The following SNRNP200 variants were observed in gnomAD, a reference collection of about 807,000 sequenced individuals.
SNRNP200 encodes U5 small nuclear ribonucleoprotein 200 kDa helicase.
SNRNP200 carries 66 observed loss-of-function variants against 255.2 expected under a neutral mutation model. The ratio of observed to expected loss-of-function variants is 0.26; its 90% confidence interval spans 0.21 to 0.32. SNRNP200 has a LOEUF of 0.32. SNRNP200 is among the 10% of genes least tolerant of loss of function. SNRNP200 has a pLI of 1.00. For missense variants in SNRNP200, 1,585 were observed against 2,749.8 expected (o/e 0.58, Z 9.47); for synonymous variants, 939 against 1,027.8 (o/e 0.91, Z 1.65).
chr2:96,294,290 T>C lies in SNRNP200; in HGVS notation c.1843-781A>G, dbSNP rs572499545. Among the ~76,000 whole-genome samples the C allele has an allele frequency of 2.0e-5, 3 of 152,100 alleles. No individual in the cohort carries two copies. The East Asian group carries it at 5.8e-4, about 29-fold the overall frequency. Reference sequence around the variant, plus strand: ...CATTTCTACTAAAAATACAAAAAATTAGCTGGGCATGGTGGCGGGCAACTG... The same window carrying C: ...CATTTCTACTAAAAATACAAAAAATCAGCTGGGCATGGTGGCGGGCAACTG... On this transcript the variant is annotated intron_variant, in intron 14 of 44. Coordinates refer to ENST00000323853, the MANE Select transcript of SNRNP200 (RefSeq NM_014014.5).
chr2:96,297,276 A>G (rs2063922685), intron 11 of SNRNP200, 87 bp downstream of exon 11: 12 of 1,568,754 alleles, frequency 7.6e-6, no homozygotes, highest in African/African-American at 1.3e-5. Context: ...TAAACTATAT[A>G]TGAAACAAGG....
intron 2 of SNRNP200, among the ~76,000 whole-genome samples, chr2:96,303,568 T>A (rs1190295866): frequency 2.6e-5 from 4 of 152,134 alleles, no homozygotes; most frequent in Non-Finnish European, 5.9e-5. Flanking sequence ...GCACTAAACA[T>A]TACAATGAGA....
intron 35 of SNRNP200, chr2:96,279,898 ATTATTATT>A (rs1261646391): frequency 9.3e-6 from 3 of 323,368 alleles, no homozygotes. Context: ...ATTAAAAAAA[ATTATTATT>A]GTTTTTATTT....
rs1684767428 is a variant in SNRNP200 at position 96,281,915 on chromosome 2, G to T, written c.4923C>A (p.Ile1641=). Residue 1641 remains isoleucine (I), a synonymous_variant, in exon 35 of 45, where the codon ATC becomes ATA. Transcript: ENST00000323853. The stretch of plus-strand genomic sequence containing the variant: ...GACTCCGAGAAGCCACCACCACCTG[G>T]ATAGCCCCTGAGCAGTAGAGGGGAG... The part of the protein sequence containing the change: ...LVEQLFSSGA[I]QVVVASRSLC... 3 of 1,613,896 alleles carry T rather than the reference G, an allele frequency of 1.9e-6. No individual in the cohort carries two copies. The East Asian group carries it at 6.7e-5, about 36-fold the overall frequency.
Position 96,277,382 on chromosome 2 carries a change from G to C in SNRNP200, c.5932-141C>G, listed in dbSNP as rs1684685969. 1 of 1,262,932 alleles carries C rather than the reference G, an allele frequency of 7.9e-7. No homozygotes were observed. Among genetic ancestry groups the C allele is most frequent in the South Asian group, 1.2e-5 (1 of 82,432 alleles). The allele number at this position is 1,262,932 out of a possible 1,614,324, so 78.2% of individuals were successfully genotyped here. Reference sequence around the variant, plus strand: ...AGCTGCAGAAAGAACACAGCCCACAGTTGGCAGGCTCTCTAGCATCTCAAC... The same window carrying C: ...AGCTGCAGAAAGAACACAGCCCACACTTGGCAGGCTCTCTAGCATCTCAAC... On this transcript the variant is annotated intron_variant, in intron 41 of 44. Transcript: ENST00000323853. This position sits in a 1 kb window ranked among gnomAD's most constrained non-coding sequence, Gnocchi z 4.4.
In SNRNP200 at chr2:96,287,270, T is replaced by C. The variant is rs2063849895; in HGVS notation, c.3485-110A>G. 2.8e-6 allele frequency: 4 copies of C among 1,425,648 alleles called. No homozygotes were observed. In the South Asian group the frequency reaches 3.5e-5, roughly 12 times the overall value. The allele number at this position is 1,425,648 out of a possible 1,614,324, so 88.3% of individuals were successfully genotyped here. ...GGTAGGGTCTTCCCTTTATGGTCAG[T>C]GGAGCCCAGGATTCCAAGTCCCCAG... On this transcript the variant is annotated intron_variant, in intron 26 of 44. Coordinates refer to ENST00000323853, the MANE Select transcript of SNRNP200 (RefSeq NM_014014.5). The surrounding 1 kb of genome is among the most constrained non-coding windows in gnomAD (Gnocchi z 5.7).
chr2:96,295,657 C>T lies in SNRNP200; in HGVS notation c.1673G>A (p.Arg558His), dbSNP rs761340019. 4.3e-6 allele frequency: 7 copies of T among 1,613,390 alleles called. No homozygotes were observed. Among genetic ancestry groups the T allele is most frequent in the East Asian group, 4.5e-5 (2 of 44,870 alleles). Reference protein sequence around the residue: ...VQEMVGSFGKRLATYGITVAE... With the variant: ...VQEMVGSFGKHLATYGITVAE... ...AACAGTGATGCCATAAGTGGCCAGG[C>T]GCTGTGGGAGGAAAACTACATCAGG... Residue 558 changes from arginine (R) to histidine (H), a missense_variant and splice_region_variant, in exon 14 of 45, where the codon CGC (arginine) becomes CAC (histidine). By Grantham distance (29) the Arg-to-His change is conservative. This residue lies in a region of SNRNP200 where 56 missense variants were observed against 77.4 expected (regional missense o/e 0.72). Transcript: ENST00000323853.
chr2:96,299,980 G>T (rs974358399), intron 5 of SNRNP200, among the ~76,000 whole-genome samples: 1 of 152,196 alleles, frequency 6.6e-6, no homozygotes, highest in African/African-American at 2.4e-5. Flanking sequence ...AAGAGGCTTA[G>T]CAATCACCTA....
At position 96,277,097 on chromosome 2, in the gene SNRNP200, T is replaced by C; in HGVS notation, c.6076A>G (p.Lys2026Glu). ...NIELSYEVVD[K>E]DSIRSGGPVV... Reference sequence around the variant, plus strand: ...CTGGCTCACCTGCGGATGCTGTCCTTATCTACCACCTCATAAGATAGTTCG... The same window carrying C: ...CTGGCTCACCTGCGGATGCTGTCCTCATCTACCACCTCATAAGATAGTTCG... The change falls in exon 42 of 45, where the codon AAG (lysine) becomes GAG (glutamate). Residue 2026 changes from lysine (K) to glutamate (E), a missense_variant. Transcript: ENST00000323853. The surrounding 1 kb of genome is among the most constrained non-coding windows in gnomAD (Gnocchi z 4.4). 6.2e-7 allele frequency: 1 copy of C among 1,614,190 alleles called. No homozygotes were observed. Among genetic ancestry groups the C allele is most frequent in the East Asian group, 2.2e-5 (1 of 44,886 alleles).
intron 12 of SNRNP200, 103 bp from the exon 13 acceptor site, chr2:96,296,794 G>T (rs1288688029): frequency 1.3e-6 from 2 of 1,552,418 alleles, no homozygotes; most frequent in African/African-American, 2.7e-5. Context: ...GCTTGTCCTG[G>T]GCACTTTATC....
Position 96,283,467 on chromosome 2 carries a change from G to A in SNRNP200, c.4763+68C>T. 11 of 1,612,758 alleles carry A rather than the reference G, an allele frequency of 6.8e-6. No homozygotes were observed. The highest frequency in any genetic ancestry group is 9.3e-6 in the Non-Finnish European group (11 of 1,179,152). ...TGGGCTAACCCCACCCTCATAAAGAGGACACCCTTGGAGTAGGCCAGCCTC... is the reference window on the plus strand; with the variant it reads ...TGGGCTAACCCCACCCTCATAAAGAAGACACCCTTGGAGTAGGCCAGCCTC... On this transcript the variant is annotated intron_variant, in intron 33 of 44. Transcript: ENST00000323853. The surrounding 1 kb of genome is among the most constrained non-coding windows in gnomAD (Gnocchi z 4.7).
At chr2:96,295,410 G>C in intron 14 of SNRNP200, 78 bp downstream of exon 14, 1 of 1,570,418 alleles carries the variant, frequency 6.4e-7, no homozygotes, top group South Asian at 1.1e-5. Context: ...AGGCAGCAAA[G>C]AAACATTTCG....
rs766287113 is a variant in SNRNP200, at chr2:96,293,382, T to A, written c.1970A>T (p.Asn657Ile). The A allele has an allele frequency of 6.2e-7, 1 of 1,614,070 alleles. No homozygotes were observed. Among genetic ancestry groups the A allele is most frequent in the Non-Finnish European group, 8.5e-7 (1 of 1,180,006 alleles). The change falls in exon 15 of 45, where the codon AAC (asparagine) becomes ATC (isoleucine). Residue 657 changes from asparagine (N) to isoleucine (I), a missense_variant. Physicochemically the swap from Asn to Ile is moderately radical, Grantham distance 149 (BLOSUM62 -3). Around this residue, in one of 9 missense-constraint regions of SNRNP200, gnomAD observed 140 missense variants for 274.9 expected, o/e 0.51. Coordinates refer to ENST00000323853, the MANE Select transcript of SNRNP200 (RefSeq NM_014014.5). ...TAGAAAGGTGGCTACATCTTCATAGTTGGGTAGGGTGGCACTGAGACCAAT... is the reference window on the plus strand; with the variant it reads ...TAGAAAGGTGGCTACATCTTCATAGATGGGTAGGGTGGCACTGAGACCAAT... ...RLIGLSATLP[N>I]YEDVATFLRV... is the part of the protein sequence containing the mutation.
chr2:96,294,700 G>C (rs1315499979), intron 14 of SNRNP200, among the ~76,000 whole-genome samples: 4 of 152,150 alleles, frequency 2.6e-5, no homozygotes, highest in Non-Finnish European at 5.9e-5. Context: ...CTAATCTCTG[G>C]AAGTTTCTGT....
At position 96,291,737 on chromosome 2, in the gene SNRNP200, T is replaced by C. The variant is rs1165647576; in HGVS notation, c.2310+14A>G. 3.7e-6 allele frequency: 6 copies of C among 1,613,836 alleles called. No homozygotes were observed. The East Asian group carries it at 1.1e-4, about 30-fold the overall frequency. On this transcript the variant is annotated intron_variant, in intron 17 of 44. Transcript: ENST00000323853. The surrounding 1 kb of genome is among the most constrained non-coding windows in gnomAD (Gnocchi z 4.2). ...CCAGGTAGGAATGAGAGAACCCAGC[T>C]GGCCCCTCCTCACCTTGCACTGCTC...
chr2:96,297,649 G>T lies in SNRNP200; in HGVS notation c.1191C>A (p.Asp397Glu). 2 of 1,614,186 alleles carry T rather than the reference G, an allele frequency of 1.2e-6. No homozygotes were observed. Among genetic ancestry groups the T allele is most frequent in the Non-Finnish European group, 1.7e-6 (2 of 1,180,020 alleles). Reference protein sequence around the residue: ...MDTDLETMDLDQGGEALAPRQ... With the variant: ...MDTDLETMDLEQGGEALAPRQ... ...CCCTGGATCCTACCTCTCCACCCTG[G>T]TCGAGATCCATGGTTTCCAGATCTG... The change falls in exon 10 of 45, where the codon GAC (aspartate) becomes GAA (glutamate). Residue 397 changes from aspartate (D) to glutamate (E), a missense_variant. Coordinates refer to ENST00000323853, the MANE Select transcript of SNRNP200 (RefSeq NM_014014.5).
intron 3 of SNRNP200, 128 bp downstream of exon 3, chr2:96,303,030 GC>G: frequency 1.0e-6 from 1 of 1,001,008 alleles, no homozygotes; most frequent in Non-Finnish European, 1.6e-6. Flanking sequence ...CCTAAGTGCT[GC>G]CAGCCATCAG....
chr2:96,300,567 C>CA (rs1448837021), intron 5 of SNRNP200, among the ~76,000 whole-genome samples: 1 of 152,014 alleles, frequency 6.6e-6, no homozygotes, highest in Non-Finnish European at 1.5e-5. Context: ...ATCAAGACCA[C>CA]CTTGGCTAAC....
At chr2:96,276,550 T>C (rs1684664655) in intron 43 of SNRNP200, 1 of 345,530 alleles carries the variant, frequency 2.9e-6, no homozygotes, top group African/African-American at 2.2e-5. Context: ...ACCTCCTGAG[T>C]AGCTGGGACT....
Sources: gnomAD v4.1 joint callset for allele counts (sites outside exome capture counted in the v4.1 genomes callset) on GRCh38, gnomAD v4.1.1 for gene constraint, gnomAD v4.1.1 regional missense constraint, Gnocchi (gnomAD v3.1) non-coding constraint, MANE v1.5 for transcripts, NCBI Gene and HGNC (gene_info 2026-07-23, HGNC 2026-07-21) for gene names.